Variants in INPP4B observed in about 807,000 individuals in gnomAD.
INPP4B encodes inositol polyphosphate 4-phosphatase type II.
A neutral mutation model predicts 122.5 loss-of-function variants in INPP4B; 55 were observed. That is an observed-to-expected ratio of 0.45 (90% CI 0.36 to 0.56). INPP4B has a LOEUF of 0.56. INPP4B is among the 20% of genes least tolerant of loss of function. The pLI is 0.00. For synonymous variants in INPP4B, 403 were observed against 388.7 expected, an observed-to-expected ratio of 1.04 and a Z score of -0.43; for missense variants, 1,000 against 1,097.7, an observed-to-expected ratio of 0.91 and a Z score of 1.26.
chr4:142,616,580 T>C (rs1043093805), intron 2 of INPP4B, among the ~76,000 whole-genome samples: 5 of 152,300 alleles, frequency 3.3e-5, no homozygotes, highest in Non-Finnish European at 5.9e-5. Flanking sequence ...CTGGTGACCA[T>C]ACATTTTTGT....
intron 1 of INPP4B, among the ~76,000 whole-genome samples, chr4:142,763,330 T>C (rs1376138899): frequency 6.6e-6 from 1 of 152,202 alleles, no homozygotes; most frequent in Non-Finnish European, 1.5e-5. Context: ...TAAAAGTCAT[T>C]AACACATTTT....
intron 11 of INPP4B, among the ~76,000 whole-genome samples, chr4:142,243,244 C>T (rs1860421222): frequency 6.6e-6 from 1 of 152,008 alleles, no homozygotes; most frequent in Admixed American, 6.6e-5. Flanking sequence ...TCCTAGTTTA[C>T]CTAAAGGAGG....
chr4:142,665,816 A>G (rs1755948202), intron 2 of INPP4B, among the ~76,000 whole-genome samples: 1 of 152,164 alleles, frequency 6.6e-6, no homozygotes, highest in Admixed American at 6.5e-5. Flanking sequence ...ATGTGTGTGT[A>G]CAGTAGTCCC....
At chr4:142,734,184 C>G (rs942349965) in intron 1 of INPP4B, among the ~76,000 whole-genome samples, 1 of 151,942 alleles carries the variant, frequency 6.6e-6, no homozygotes, top group Non-Finnish European at 1.5e-5. Flanking sequence ...GAGAAAGACA[C>G]GAGGGATGCA....
chr4:142,654,381 A>AAC (rs1753715723), intron 2 of INPP4B: 3 of 151,264 alleles, frequency 2.0e-5, no homozygotes, highest in East Asian at 3.9e-4. Flanking sequence ...AAAAAAAAAA[A>AAC]AAAAAAAACA....
intron 2 of INPP4B, among the ~76,000 whole-genome samples, chr4:142,517,452 C>T (rs1191782849): frequency 6.6e-6 from 1 of 152,116 alleles, no homozygotes; most frequent in Non-Finnish European, 1.5e-5. Context: ...CAATACTAGA[C>T]AGTTGGCTTC....
chr4:142,483,718 GA>G (rs1820868632), intron 2 of INPP4B, among the ~76,000 whole-genome samples: 2 of 152,084 alleles, frequency 1.3e-5, no homozygotes, highest in South Asian at 4.1e-4. Context: ...ACTCACTGGG[GA>G]TTATCAGAAA....
At chr4:142,133,857 G>A (rs1304452605) in intron 18 of INPP4B, among the ~76,000 whole-genome samples, 2 of 152,214 alleles carry the variant, frequency 1.3e-5, no homozygotes, top group African/African-American at 4.8e-5. Context: ...TTTGAGACAA[G>A]TTCAAGCATC....
At position 142,666,707 on chromosome 4, in the gene INPP4B, T is replaced by C. The variant is rs141774895; in HGVS notation, c.-191+59132A>G. The stretch of plus-strand genomic sequence containing the variant: ...TTGCTGTTGAACACCTACTGTTTGT[T>C]AATGTCCAATTACATCACCAGCACT... On this transcript the variant is annotated intron_variant, in intron 2 of 25. Coordinates refer to ENST00000262992, the MANE Select transcript of INPP4B (RefSeq NM_001101669.3). Among the ~76,000 whole-genome samples, 563 of 152,238 alleles carry C rather than the reference T, an allele frequency of 3.7e-3. 6 individuals are homozygous for C. Among genetic ancestry groups the C allele is most frequent in the African/African-American group, 0.013 (529 of 41,554 alleles).
At chr4:142,505,588 T>A (rs953994694) in intron 2 of INPP4B, among the ~76,000 whole-genome samples, 2 of 152,194 alleles carry the variant, frequency 1.3e-5, no homozygotes, top group African/African-American at 4.8e-5. Flanking sequence ...TTTAGCACAC[T>A]GCCTGCCACA....
At chr4:142,697,056 A>T (rs569925184) in intron 2 of INPP4B, among the ~76,000 whole-genome samples, 7 of 152,130 alleles carry the variant, frequency 4.6e-5, no homozygotes, top group African/African-American at 7.2e-5. Context: ...TATCCCAATG[A>T]TGCATTTTTA....
At chr4:142,541,159 GAATT>G (rs942333286) in intron 2 of INPP4B, among the ~76,000 whole-genome samples, 3 of 152,092 alleles carry the variant, frequency 2.0e-5, no homozygotes, top group African/African-American at 7.2e-5. Flanking sequence ...TATTTAAAGA[GAATT>G]AAAGTCTCAA....
At chr4:142,620,679 T>C (rs946866770) in intron 2 of INPP4B, among the ~76,000 whole-genome samples, 1 of 151,928 alleles carries the variant, frequency 6.6e-6, no homozygotes, top group Non-Finnish European at 1.5e-5. Context: ...AATAAAGATA[T>C]GAGTATTAAA....
intron 12 of INPP4B, among the ~76,000 whole-genome samples, chr4:142,222,918 T>C (rs1239532658): frequency 1.3e-5 from 2 of 152,256 alleles, no homozygotes; most frequent in East Asian, 3.8e-4. Context: ...GTAGCTCTGA[T>C]ACATTGTTTT....
chr4:142,167,926 T>C (rs1461860415), intron 16 of INPP4B, among the ~76,000 whole-genome samples: 2 of 151,558 alleles, frequency 1.3e-5, no homozygotes, highest in African/African-American at 4.8e-5. Context: ...TTTGTTTGCC[T>C]GAACTCGTCT....
intron 14 of INPP4B, among the ~76,000 whole-genome samples, chr4:142,200,242 G>C (rs1176779408): frequency 6.6e-6 from 1 of 151,742 alleles, no homozygotes; most frequent in African/African-American, 2.4e-5. Context: ...GTTGGCTGTT[G>C]TGCCCTTTAT....
chr4:142,279,042 A>T (rs907117113), intron 9 of INPP4B, among the ~76,000 whole-genome samples: 2 of 151,996 alleles, frequency 1.3e-5, no homozygotes, highest in Non-Finnish European at 1.5e-5. Flanking sequence ...TTGAAATTTT[A>T]AAAATTCAGT....
chr4:142,429,054 T>C (rs1808724587), intron 5 of INPP4B, 119 bp downstream of exon 5: 2 of 561,370 alleles, frequency 3.6e-6, no homozygotes, highest in East Asian at 3.1e-5. Context: ...ATTTTAAAAA[T>C]AGAACAATGT....
chr4:142,258,060 C>G (rs191987689), intron 11 of INPP4B, among the ~76,000 whole-genome samples: 1 of 151,970 alleles, frequency 6.6e-6, no homozygotes, highest in Non-Finnish European at 1.5e-5. Flanking sequence ...AAATCTACAA[C>G]TATCTGATCT....
Sources: allele counts gnomAD v4.1 joint callset (sites outside exome capture counted in the v4.1 genomes callset), GRCh38; gene constraint gnomAD v4.1.1; transcripts MANE v1.5; gene names NCBI Gene and HGNC (gene_info 2026-07-23, HGNC 2026-07-21).